ADSS2: variants seen among roughly 807,000 people sequenced by gnomAD.
ADSS2 encodes adenylosuccinate synthase 2.
ADSS2 carries 30 observed loss-of-function variants against 60.0 expected under a neutral mutation model. The observed-to-expected ratio is 0.50, with a 90% CI of 0.37 to 0.68. The LOEUF is 0.68. Among genes scored for constraint, ADSS2 ranks in the 30% least tolerant of loss-of-function variants. The pLI is 0.00. For synonymous variants in ADSS2, 187 were observed against 193.1 expected, an observed-to-expected ratio of 0.97 and a Z score of 0.26; for missense variants, 373 against 554.8, an observed-to-expected ratio of 0.67 and a Z score of 3.29.
chr1:244,435,168 C>CAAAAAAAAAAAAAAAAAAAAAA (rs60576167), intron 3 of ADSS2, among the ~76,000 whole-genome samples: 7 of 51,748 alleles, frequency 1.4e-4, no homozygotes, highest in African/African-American at 5.0e-4. Context: ...ACTCCGTCTC[C>CAAAAAAAAAAAAAAAAAAAAAA]AAAAAAAAAA....
chr1:244,450,179 T>C (rs1230893015), intron 1 of ADSS2, among the ~76,000 whole-genome samples: 1 of 152,164 alleles, frequency 6.6e-6, no homozygotes, highest in Non-Finnish European at 1.5e-5. Flanking sequence ...GATCTGAATG[T>C]AAGACAAAAG....
rs778015979 is a variant in ADSS2 at position 244,417,653 on chromosome 1, C to T, written c.1045G>A (p.Ala349Thr). Residue 349 changes from alanine to threonine, a missense_variant, in exon 10 of 13, where the codon GCT becomes ACT. Physicochemically the swap from Ala to Thr is moderately conservative, Grantham distance 58. Around this residue, in one of 5 missense-constraint regions of ADSS2, gnomAD observed 130 missense variants for 169.4 expected, o/e 0.77. Transcript: ENST00000366535. ...GCAGTAAATCCATTGATCATATGAG[C>T]ATATTTGAGCAAAACGAGGTCCAAC... ...GWLDLVLLKY[A>T]HMINGFTALA... is the part of the protein sequence containing the mutation. The T allele has an allele frequency of 1.2e-6, 2 of 1,612,376 alleles. No homozygotes were observed. The highest frequency in any genetic ancestry group is 1.7e-6 in the Non-Finnish European group (2 of 1,179,924).
chr1:244,424,071 A>T lies in ADSS2; in HGVS notation c.474-11T>A. 6.2e-7 allele frequency: 1 copy of T among 1,603,896 alleles called. No homozygotes were observed. The highest frequency in any genetic ancestry group is 8.5e-7 in the Non-Finnish European group (1 of 1,174,640). ...TTTGTTGTACCCAAACTTAAAAACAAATCCAAACAAGCTTTAAGTCAGACA... is the reference window on the plus strand; with the variant it reads ...TTTGTTGTACCCAAACTTAAAAACATATCCAAACAAGCTTTAAGTCAGACA... On this transcript the variant is annotated splice_polypyrimidine_tract_variant and intron_variant, in intron 5 of 12. Coordinates refer to ENST00000366535, the MANE Select transcript of ADSS2 (RefSeq NM_001126.5).
chr1:244,448,976 T>C (rs1665467034), intron 1 of ADSS2, among the ~76,000 whole-genome samples: 1 of 152,218 alleles, frequency 6.6e-6, no homozygotes, highest in Non-Finnish European at 1.5e-5. Flanking sequence ...GTTGGGCCTC[T>C]ATTTAATTCT....
intron 1 of ADSS2, among the ~76,000 whole-genome samples, chr1:244,450,689 GGAGA>G (rs903720668): frequency 6.6e-6 from 1 of 152,166 alleles, no homozygotes; most frequent in African/African-American, 2.4e-5. Context: ...TTTTGAAACT[GGAGA>G]GAGTTATCTG....
Position 244,422,878 on chromosome 1 carries a change from G to A in ADSS2, c.620C>T (p.Pro207Leu). Residue 207 changes from proline to leucine, a missense_variant, in exon 7 of 13, where the codon CCC (proline) becomes CTC (leucine). Around this residue, in one of 5 missense-constraint regions of ADSS2, gnomAD observed 139 missense variants for 189.4 expected, o/e 0.73. Coordinates refer to ENST00000366535, the MANE Select transcript of ADSS2 (RefSeq NM_001126.5). ...VLANQYKSIY[P>L]TLEIDIEGEL... ...ACCTTCAATGTCTATTTCCAAAGTG[G>A]GGTATATAGATTTGTATTGGTTAGC... is the stretch of plus-strand genomic sequence containing the variant. The A allele has an allele frequency of 6.3e-7, 1 of 1,598,968 alleles. No homozygotes were observed. The highest frequency in any genetic ancestry group is 1.1e-5 in the South Asian group (1 of 90,486).
rs1665139147 is a variant in ADSS2 at position 244,437,735 on chromosome 1, C to T, written c.217G>A (p.Asp73Asn). The change falls in exon 2 of 13, where the codon GAT (aspartate) becomes AAT (asparagine). Residue 73 changes from aspartate (D) to asparagine (N), a missense_variant. By Grantham distance (23) the Asp-to-Asn change is conservative. This residue lies in a region of ADSS2 where 29 missense variants were observed against 73.3 expected (regional missense o/e 0.40). Transcript: ENST00000366535. The stretch of plus-strand genomic sequence containing the variant: ...AGATGAAAATCATATTCCACAGAAT[C>T]CACAACAACTGTATGGCCAGCATTA... The part of the protein sequence containing the change: ...GNNAGHTVVV[D>N]SVEYDFHLLP... 1.9e-6 allele frequency: 3 copies of T among 1,608,498 alleles called. No homozygotes were observed. Among genetic ancestry groups the T allele is most frequent in the African/African-American group, 2.7e-5 (2 of 74,900 alleles).
Position 244,420,381 on chromosome 1 carries a change from T to A in ADSS2, c.664-85A>T. 3 of 1,290,906 alleles carry A rather than the reference T, an allele frequency of 2.3e-6. No homozygotes were observed. The Admixed American group carries it at 7.0e-5, about 30-fold the overall frequency. The allele number at this position is 1,290,906 out of a possible 1,614,324, so 80.0% of individuals were successfully genotyped here. A position where few individuals can be genotyped will look rare whatever the true frequency, so the allele number is the denominator to read the frequency against. ...AACAAGAATAAATTACCTGACTTTA[T>A]GACATGAAAACTGACAAACGCAAAG... On this transcript the variant is annotated intron_variant, in intron 7 of 12. Coordinates refer to ENST00000366535, the MANE Select transcript of ADSS2 (RefSeq NM_001126.5).
intron 3 of ADSS2, among the ~76,000 whole-genome samples, chr1:244,434,574 T>TAA (rs1423888818): frequency 6.6e-6 from 1 of 152,198 alleles, no homozygotes; most frequent in Non-Finnish European, 1.5e-5. Context: ...CCTGGAATAT[T>TAA]AAGCCTCCCC....
intron 6 of ADSS2, 136 bp downstream of exon 6, chr1:244,423,817 C>T: frequency 8.4e-6 from 5 of 594,524 alleles, no homozygotes; most frequent in Non-Finnish European, 1.5e-5. Context: ...ATAAAAATAA[C>T]TTTAATATTT....
At chr1:244,423,244 A>G (rs1472649317) in intron 6 of ADSS2, among the ~76,000 whole-genome samples, 1 of 152,242 alleles carries the variant, frequency 6.6e-6, no homozygotes, top group African/African-American at 2.4e-5. Context: ...ATACTGTACA[A>G]CAACAAAAGG....
intron 3 of ADSS2, 84 bp downstream of exon 3, chr1:244,436,741 C>T (rs1052348186): frequency 2.4e-6 from 3 of 1,224,940 alleles, no homozygotes; most frequent in Admixed American, 4.0e-5. Context: ...AAGCATAAGA[C>T]AAACATGTTG....
intron 10 of ADSS2, 66 bp from the exon 11 acceptor site, chr1:244,416,144 T>C: frequency 9.2e-7 from 1 of 1,087,834 alleles, no homozygotes; most frequent in Non-Finnish European, 1.4e-6. Context: ...TCTAATTTGA[T>C]TAATGCAGGA....
At chr1:244,424,615 A>C (rs1664754637) in intron 4 of ADSS2, 5 of 342,018 alleles carry the variant, frequency 1.5e-5, no homozygotes. Flanking sequence ...TATTTTAAAA[A>C]ATAAGTCATT....
intron 4 of ADSS2, 50 bp from the exon 5 acceptor site, chr1:244,424,437 G>A (rs770601470): frequency 6.8e-7 from 1 of 1,475,018 alleles, no homozygotes; most frequent in Non-Finnish European, 9.5e-7. Flanking sequence ...ATACACAAAA[G>A]CAAAATCCAC....
In ADSS2 at chr1:244,415,481, T is replaced by C. The variant is rs1448693608; in HGVS notation, c.1168+500A>G. ...AAACCTACCAGCTCATCAAGTTTTA[T>C]TAAGCTAGTCAATATTCCTTCATTT... On this transcript the variant is annotated intron_variant, in intron 11 of 12. Transcript: ENST00000366535. Among the ~76,000 whole-genome samples, 7 of 152,242 alleles carry C rather than the reference T, an allele frequency of 4.6e-5. No individual in the cohort carries two copies. The East Asian group carries it at 9.6e-4, about 21-fold the overall frequency.
chr1:244,417,533 G>A (rs761757405), intron 10 of ADSS2, 95 bp downstream of exon 10: 1 of 1,441,414 alleles, frequency 6.9e-7, no homozygotes, highest in African/African-American at 1.4e-5. Flanking sequence ...AGTCTAAAGA[G>A]TGAAATTTTC....
At chr1:244,446,116 C>T (rs1204640727) in intron 1 of ADSS2, among the ~76,000 whole-genome samples, 1 of 152,126 alleles carries the variant, frequency 6.6e-6, no homozygotes, top group African/African-American at 2.4e-5. Flanking sequence ...TTTGTCTAAT[C>T]TTCAAACTTC....
intron 1 of ADSS2, among the ~76,000 whole-genome samples, chr1:244,444,994 T>C (rs1399064056): frequency 3.3e-5 from 5 of 152,114 alleles, no homozygotes; most frequent in Admixed American, 1.3e-4. Context: ...AGCAAACTGA[T>C]CCAGGCAGGG....
Sources: gnomAD v4.1 joint callset for allele counts (sites outside exome capture counted in the v4.1 genomes callset) on GRCh38, gnomAD v4.1.1 for gene constraint, gnomAD v4.1.1 regional missense constraint, MANE v1.5 for transcripts, NCBI Gene and HGNC (gene_info 2026-07-23, HGNC 2026-07-21) for gene names.